APBB2: variants seen among roughly 807,000 people sequenced by gnomAD.
APBB2 encodes the protein amyloid beta precursor protein binding family B member 2, also known as Fe65-like 1.
Under a neutral mutation model 82.5 loss-of-function variants are expected in APBB2, and 38 were observed. The observed-to-expected ratio is 0.46, with a 90% CI of 0.36 to 0.60. The LOEUF is 0.60. Ranked by LOEUF, APBB2 falls within the 20% of genes least tolerant of loss-of-function variation. The probability of loss-of-function intolerance (pLI) is 0.00; values close to 1 mark genes in which losing one functional copy is unlikely to be tolerated. For synonymous variants in APBB2, 341 were observed against 368.2 expected (o/e 0.93, Z 0.85); for missense variants, 772 against 972.3 (o/e 0.79, Z 2.74).
chr4:40,870,927 C>T (rs1393785897), intron 12 of APBB2, among the ~76,000 whole-genome samples: 1 of 151,826 alleles, frequency 6.6e-6, no homozygotes, highest in African/African-American at 2.4e-5. Flanking sequence ...AGATGAACTC[C>T]CCACCTCTGG....
chr4:41,132,379 A>C (rs2154007449), intron 2 of APBB2, among the ~76,000 whole-genome samples: 1 of 152,314 alleles, frequency 6.6e-6, no homozygotes. Context: ...AGAAAAGCAA[A>C]ATCTGGACAC....
intron 4 of APBB2, among the ~76,000 whole-genome samples, chr4:41,048,871 C>T (rs926293320): frequency 5.3e-5 from 8 of 152,194 alleles, no homozygotes; most frequent in Non-Finnish European, 7.3e-5. Context: ...GACAGGGTTT[C>T]GCTGTGTTGG....
intron 10 of APBB2, among the ~76,000 whole-genome samples, chr4:40,903,712 C>G (rs960703958): frequency 2.0e-5 from 3 of 152,228 alleles, no homozygotes; most frequent in African/African-American, 7.2e-5. Flanking sequence ...AGGGAACAGG[C>G]AGGGTTTTGG....
At chr4:41,132,414 T>C (rs1438857561) in intron 2 of APBB2, among the ~76,000 whole-genome samples, 1 of 152,194 alleles carries the variant, frequency 6.6e-6, no homozygotes, top group Non-Finnish European at 1.5e-5. Context: ...ATTTAAAAAG[T>C]CACCCTGGCT....
chr4:41,094,668 G>T (rs544712662), intron 3 of APBB2, among the ~76,000 whole-genome samples: 2 of 152,164 alleles, frequency 1.3e-5, no homozygotes, highest in Non-Finnish European at 2.9e-5. Context: ...GGGTTCAAGC[G>T]ATTCTCCTGC....
chr4:41,102,111 C>T lies in APBB2; in HGVS notation c.-260-1361G>A, dbSNP rs1003147382. Among the ~76,000 whole-genome samples the T allele has an allele frequency of 3.9e-5, 6 of 152,006 alleles. No homozygotes were observed. In the South Asian group the frequency reaches 1.0e-3, roughly 26 times the overall value. On this transcript the variant is annotated intron_variant, in intron 2 of 17. Transcript: ENST00000508593. Reference sequence around the variant, plus strand: ...AACCTATAACCTAAAGTCGGCATACCCCTCGGGCTCTCCTATTACAGGACT... The same window carrying T: ...AACCTATAACCTAAAGTCGGCATACTCCTCGGGCTCTCCTATTACAGGACT...
chr4:41,187,927 T>C (rs1045443956), intron 1 of APBB2, among the ~76,000 whole-genome samples: 2 of 152,234 alleles, frequency 1.3e-5, no homozygotes, highest in African/African-American at 2.4e-5. Context: ...TTGAGATTTA[T>C]ATATTTATAT....
chr4:41,099,433 G>A (rs1220203304), intron 3 of APBB2, among the ~76,000 whole-genome samples: 1 of 152,130 alleles, frequency 6.6e-6, no homozygotes, highest in Non-Finnish European at 1.5e-5. Flanking sequence ...GTTTCTCCAT[G>A]TTGGTCAGGC....
At chr4:40,841,542 G>GA (rs1371394023) in intron 12 of APBB2, among the ~76,000 whole-genome samples, 4 of 152,140 alleles carry the variant, frequency 2.6e-5, no homozygotes, top group African/African-American at 9.7e-5. Context: ...TTGTGGTGGA[G>GA]AGGGAGGACC....
At chr4:40,979,725 G>A (rs1018772634) in intron 6 of APBB2, among the ~76,000 whole-genome samples, 1 of 152,148 alleles carries the variant, frequency 6.6e-6, no homozygotes, top group Non-Finnish European at 1.5e-5. Context: ...CAAGAAAACA[G>A]GGACCTCATC....
At chr4:41,070,165 G>A (rs925459615) in intron 3 of APBB2, among the ~76,000 whole-genome samples, 2 of 152,056 alleles carry the variant, frequency 1.3e-5, no homozygotes, top group African/African-American at 4.8e-5. Flanking sequence ...ACCAAGTCTC[G>A]CTTCCTTGAA....
At chr4:41,099,851 A>G (rs932973038) in intron 3 of APBB2, among the ~76,000 whole-genome samples, 8 of 152,098 alleles carry the variant, frequency 5.3e-5, no homozygotes, top group African/African-American at 1.9e-4. Flanking sequence ...GCTAGAGAGG[A>G]TATTTGTGTA....
At chr4:40,867,719 G>C (rs978470730) in intron 12 of APBB2, among the ~76,000 whole-genome samples, 1 of 152,108 alleles carries the variant, frequency 6.6e-6, no homozygotes, top group African/African-American at 2.4e-5. Context: ...TCTCATTCCT[G>C]GGACTTAGAG....
At chr4:40,922,545 T>G (rs1363762560) in intron 10 of APBB2, among the ~76,000 whole-genome samples, 1 of 152,240 alleles carries the variant, frequency 6.6e-6, no homozygotes, top group Non-Finnish European at 1.5e-5. Flanking sequence ...GATGAGATTT[T>G]AAATAGGAAT....
intron 6 of APBB2, among the ~76,000 whole-genome samples, chr4:40,946,647 T>C (rs74811802): frequency 6.9e-6 from 1 of 144,378 alleles, no homozygotes; most frequent in East Asian, 2.0e-4. Flanking sequence ...GATGGAGGGG[T>C]AATAAGGGAA....
At chr4:40,843,787 G>C (rs562523684) in intron 12 of APBB2, among the ~76,000 whole-genome samples, 1 of 152,306 alleles carries the variant, frequency 6.6e-6, no homozygotes, top group African/African-American at 2.4e-5. Flanking sequence ...GACAAGGTCA[G>C]TATTACTGTT....
Position 41,149,282 on chromosome 4 carries a change from TA to T in APBB2, c.-416-6141del, listed in dbSNP as rs199630989. The stretch of plus-strand genomic sequence containing the variant: ...TTCCTGTAGTCATTATTTTAAAGAT[TA>T]AAAAAAAATTAAATTATTTTAGAAA... On this transcript the variant is annotated intron_variant, in intron 1 of 17. Transcript: ENST00000508593. Among the ~76,000 whole-genome samples, 370 of 151,710 alleles carry T rather than the reference TA, an allele frequency of 2.4e-3. 2 individuals are homozygous for T. Among genetic ancestry groups the T allele is most frequent in the African/African-American group, 8.0e-3 (333 of 41,426 alleles).
At position 40,928,323 on chromosome 4, in the gene APBB2, G is replaced by A. The variant is rs116931408; in HGVS notation, c.1254+6133C>T. Among the ~76,000 whole-genome samples, 93 of 146,594 alleles carry A rather than the reference G, an allele frequency of 6.3e-4. 1 individual carries two copies. The East Asian group carries it at 0.018, about 29-fold the overall frequency. ...TTTGGGAGGCCGAGGCAGTGGGATC[G>A]CCTGAGGTCAGGAGTTCAAGACCAG... On this transcript the variant is annotated intron_variant, in intron 10 of 17. Transcript: ENST00000508593.
At chr4:41,008,505 C>T (rs1008002813) in intron 6 of APBB2, among the ~76,000 whole-genome samples, 1 of 152,154 alleles carries the variant, frequency 6.6e-6, no homozygotes, top group Non-Finnish European at 1.5e-5. Flanking sequence ...ACTGAAAATA[C>T]AAAGATGAAG....
Sources: gnomAD v4.1 joint callset for allele counts (sites outside exome capture counted in the v4.1 genomes callset) on GRCh38, gnomAD v4.1.1 for gene constraint, MANE v1.5 for transcripts, NCBI Gene and HGNC (gene_info 2026-07-23, HGNC 2026-07-21) for gene names.